The following IDNK variants were observed in gnomAD, a reference collection of about 807,000 sequenced individuals.
IDNK encodes gluconokinase.
Under a neutral mutation model 13.0 loss-of-function variants are expected in IDNK, and 9 were observed. The ratio of observed to expected loss-of-function variants is 0.69; its 90% CI spans 0.42 to 1.21. IDNK has a LOEUF of 1.21. Among genes scored for constraint, IDNK ranks in the 50% most tolerant of loss-of-function variants. The pLI is 0.00. For missense variants in IDNK, 210 were observed against 237.8 expected (o/e 0.88, Z 0.77); for synonymous variants, 92 against 94.9 (o/e 0.97, Z 0.18).
At chr9:83,629,068 G>A in intron 3 of IDNK, 109 bp downstream of exon 3, 1 of 858,526 alleles carries the variant, frequency 1.2e-6, no homozygotes, top group Non-Finnish European at 2.0e-6. Flanking sequence ...TCACTGTACA[G>A]GGGCTACAAA....
At chr9:83,628,852 C>A in intron 2 of IDNK, 21 bp from the exon 3 acceptor site, 1 of 1,576,768 alleles carries the variant, frequency 6.3e-7, no homozygotes, top group South Asian at 1.1e-5. Context: ...CCACATACAC[C>A]CTTTCACTTT....
intron 1 of IDNK, among the ~76,000 whole-genome samples, chr9:83,623,823 G>C (rs913548529): frequency 2.6e-5 from 4 of 152,222 alleles, no homozygotes; most frequent in African/African-American, 9.7e-5. Flanking sequence ...AAACCACAGA[G>C]GTAGCCCAGT....
intron 3 of IDNK, among the ~76,000 whole-genome samples, chr9:83,629,496 A>G (rs377557855): frequency 2.6e-5 from 4 of 152,198 alleles, no homozygotes; most frequent in South Asian, 4.1e-4. Flanking sequence ...TTTAGGAGCC[A>G]TGCGCCTCCA....
chr9:83,642,954 G>T (rs1015385749), intron 4 of IDNK, among the ~76,000 whole-genome samples: 10 of 152,188 alleles, frequency 6.6e-5, no homozygotes, highest in Non-Finnish European at 1.3e-4. Flanking sequence ...TGTAGAGTAG[G>T]AATGGGGAGA....
Position 83,631,660 on chromosome 9 carries a change from TC to T in IDNK, c.168+2704del, listed in dbSNP as rs1831019775. 2.0e-5 allele frequency among the ~76,000 whole-genome samples: 3 copies of T among 151,910 alleles called. No individual in the cohort carries two copies. In the South Asian group the frequency reaches 6.2e-4, roughly 32 times the overall value. On this transcript the variant is annotated intron_variant, in intron 3 of 4. Transcript: ENST00000376419. ...AAAATAGATAAAATGTAAAATCTAG[TC>T]CCTGGGTTATACCAGCCACATGTCA... is the stretch of plus-strand genomic sequence containing the variant.
intron 4 of IDNK, among the ~76,000 whole-genome samples, chr9:83,642,518 A>G (rs1284810329): frequency 6.6e-6 from 1 of 150,700 alleles, no homozygotes; most frequent in Non-Finnish European, 1.5e-5. Flanking sequence ...CATAAAAAGG[A>G]GTATGGCTTC....
At chr9:83,638,338 C>T (rs2131633230) in intron 3 of IDNK, among the ~76,000 whole-genome samples, 1 of 152,172 alleles carries the variant, frequency 6.6e-6, no homozygotes, top group African/African-American at 2.4e-5. Flanking sequence ...TAAACTAGTA[C>T]AGCTGAAGAG....
At chr9:83,637,875 A>C (rs566927326) in intron 3 of IDNK, among the ~76,000 whole-genome samples, 2 of 152,302 alleles carry the variant, frequency 1.3e-5, no homozygotes, top group Admixed American at 6.5e-5. Flanking sequence ...TTGAATGAGG[A>C]CTAAAAATAT....
intron 4 of IDNK, among the ~76,000 whole-genome samples, chr9:83,643,185 T>C (rs1831360860): frequency 6.6e-6 from 1 of 152,198 alleles, no homozygotes; most frequent in Non-Finnish European, 1.5e-5. Context: ...GTACCCTAGG[T>C]AGCCCCACTT....
intron 3 of IDNK, among the ~76,000 whole-genome samples, chr9:83,637,957 C>A (rs1587618100): frequency 6.6e-6 from 1 of 152,298 alleles, no homozygotes; most frequent in African/African-American, 2.4e-5. Flanking sequence ...AAAAAACAAT[C>A]ATCCTTGAGA....
chr9:83,641,487 C>G (rs1159995618), intron 3 of IDNK, 61 bp from the exon 4 acceptor site: 1 of 1,567,384 alleles, frequency 6.4e-7, no homozygotes, highest in Admixed American at 1.7e-5. Flanking sequence ...TGTTTCTCTA[C>G]AAACAAACAA....
chr9:83,623,323 C>A, intron 1 of IDNK, 102 bp downstream of exon 1: 2 of 1,071,178 alleles, frequency 1.9e-6, no homozygotes, highest in Non-Finnish European at 2.5e-6. Flanking sequence ...GTCTTGGGGA[C>A]CCCCCACCCT....
At chr9:83,639,035 T>C (rs893659323) in intron 3 of IDNK, among the ~76,000 whole-genome samples, 9 of 152,324 alleles carry the variant, frequency 5.9e-5, no homozygotes, top group African/African-American at 2.2e-4. Context: ...AAAATTGACA[T>C]GTACTAGACC....
At chr9:83,641,443 C>T (rs548154702) in intron 3 of IDNK, 105 bp from the exon 4 acceptor site, 36 of 1,306,820 alleles carry the variant, frequency 2.8e-5, no homozygotes, top group African/African-American at 1.5e-4. Context: ...ACTGAGCTCT[C>T]GCTGGACCTT....
rs975410742 is a variant in IDNK, at chr9:83,628,952, A to G, written c.161A>G (p.Asn54Ser). The G allele has an allele frequency of 3.7e-6, 6 of 1,612,740 alleles. No individual in the cohort carries two copies. Among genetic ancestry groups the G allele is most frequent in the African/African-American group, 1.3e-5 (1 of 75,020 alleles). Residue 54 changes from asparagine to serine, a missense_variant, in exon 3 of 5, where the codon AAT becomes AGT. Coordinates refer to ENST00000376419, the MANE Select transcript of IDNK (RefSeq NM_001001551.4). ...AAGATGGGAAAAGGCATACCGCTCA[A>G]TGACCAGGTAACAATTGCTGTCTGT... ...RRKMGKGIPL[N>S]DQDRIPWLCN...
At position 83,641,604 on chromosome 9, in the gene IDNK, C is replaced by A. The variant is rs558737399; in HGVS notation, c.212+13C>A. ...ACATTTTACTAAGGTAAGAGACCAC[C>A]AGGCCTTGGCATAAGCCAAAGCCAG... On this transcript the variant is annotated intron_variant, in intron 4 of 4. Coordinates refer to ENST00000376419, the MANE Select transcript of IDNK (RefSeq NM_001001551.4). The A allele has an allele frequency of 2.5e-6, 4 of 1,613,724 alleles. No homozygotes were observed. The South Asian group carries it at 4.4e-5, about 18-fold the overall frequency.
chr9:83,623,124 G>C (rs1476631099), upstream of IDNK: 4 of 1,397,682 alleles, frequency 2.9e-6, no homozygotes, highest in Non-Finnish European at 3.7e-6. Flanking sequence ...CGGGTAGGCC[G>C]GGGCCGGCGG....
chr9:83,634,611 G>A, intron 3 of IDNK, among the ~76,000 whole-genome samples: 1 of 152,128 alleles, frequency 6.6e-6, no homozygotes, highest in East Asian at 1.9e-4. Flanking sequence ...TCAACACTCA[G>A]CTTAATGAAA....
rs1831375426 is a variant in IDNK at position 83,643,560 on chromosome 9, C to G, written c.344C>G (p.Ala115Gly). The change falls in exon 5 of 5, where the codon GCT (alanine) becomes GGT (glycine). Residue 115 changes from alanine (A) to glycine (G), a missense_variant. Physicochemically the swap from Ala to Gly is moderately conservative, Grantham distance 60 (BLOSUM62 0). Transcript: ENST00000376419. ...GAGTCGGGAAAGGAAGCAAAGCAGG[C>G]TGAGATGCAGCTCCTGGTGGTCCAT... The part of the protein sequence containing the change: ...CEESGKEAKQ[A>G]EMQLLVVHLS... The G allele has an allele frequency of 6.2e-7, 1 of 1,613,974 alleles. No homozygotes were observed. Among genetic ancestry groups the G allele is most frequent in the Non-Finnish European group, 8.5e-7 (1 of 1,179,992 alleles).
Sources: allele counts gnomAD v4.1 joint callset (sites outside exome capture counted in the v4.1 genomes callset), GRCh38; gene constraint gnomAD v4.1.1; transcripts MANE v1.5; gene names NCBI Gene and HGNC (gene_info 2026-07-23, HGNC 2026-07-21).